The following PRH1 variants were observed in gnomAD, a reference collection of about 807,000 sequenced individuals.
PRH1 encodes the protein proline rich protein HaeIII subfamily 1, also known as salivary acidic proline-rich phosphoprotein 1/2.
A neutral mutation model predicts 7.9 loss-of-function variants in PRH1; 7 were observed. The ratio of observed to expected loss-of-function variants is 0.89; its 90% CI spans 0.50 to 1.67. PRH1 has a LOEUF of 1.67. Among genes scored for constraint, PRH1 ranks in the 40% most tolerant of loss-of-function variants. The pLI is 0.00. For synonymous variants in PRH1, 45 were observed against 80.8 expected (o/e 0.56, Z 2.38); for missense variants, 109 against 223.6 (o/e 0.49, Z 3.27).
chr12:11,156,028 T>C (rs943881850), intron 1 of PRH1, among the ~76,000 whole-genome samples: 3 of 152,242 alleles, frequency 2.0e-5, no homozygotes, highest in African/African-American at 2.4e-5. Context: ...ATACAGTCAA[T>C]AGTCCTTTTA....
intron 1 of PRH1, among the ~76,000 whole-genome samples, chr12:11,135,136 T>C (rs1291468031): frequency 6.6e-6 from 1 of 152,134 alleles, no homozygotes; most frequent in Non-Finnish European, 1.5e-5. Flanking sequence ...TATTATTTAA[T>C]TAAAATGTTC....
At chr12:11,088,739 A>C (rs1444961596) in intron 1 of PRH1, among the ~76,000 whole-genome samples, 137 of 95,128 alleles carry the variant, frequency 1.4e-3, no homozygotes, top group Non-Finnish European at 2.3e-3. Flanking sequence ...GGCTCTACAG[A>C]AGATATGGAC....
chr12:11,057,528 T>C (rs928352793), intron 1 of PRH1, among the ~76,000 whole-genome samples: 1 of 152,204 alleles, frequency 6.6e-6, no homozygotes, highest in Admixed American at 6.5e-5. Context: ...GGCAACCCAA[T>C]GTATAAAATA....
At position 10,901,431 on chromosome 12, in the gene PRH1, C is replaced by T. The variant is rs572447470; in HGVS notation, c.-58-17156G>A. Reference sequence around the variant, plus strand: ...GAACTCTGGTCACTTGGTAGCCACTCAGTAGATTCTCCCTCAGTGTTGGTG... The same window carrying T: ...GAACTCTGGTCACTTGGTAGCCACTTAGTAGATTCTCCCTCAGTGTTGGTG... On this transcript the variant is annotated intron_variant, in intron 2 of 3. Coordinates refer to the PRH1 transcript ENST00000539853. 3.9e-5 allele frequency among the ~76,000 whole-genome samples: 6 copies of T among 152,310 alleles called. No homozygotes were observed. The South Asian group carries it at 1.2e-3, about 32-fold the overall frequency.
intron 1 of PRH1, among the ~76,000 whole-genome samples, chr12:11,017,245 A>G (rs1271172355): frequency 6.6e-6 from 1 of 152,208 alleles, no homozygotes; most frequent in Non-Finnish European, 1.5e-5. Flanking sequence ...TTCTGCTCTC[A>G]GTTTAATTTA....
At chr12:11,000,102 T>G (rs995477493) in intron 1 of PRH1, among the ~76,000 whole-genome samples, 1 of 152,140 alleles carries the variant, frequency 6.6e-6, no homozygotes, top group Admixed American at 6.6e-5. Context: ...CAAATTATCC[T>G]CACAGACATA....
intron 1 of PRH1, among the ~76,000 whole-genome samples, chr12:11,053,239 G>C (rs1174112008): frequency 2.0e-5 from 3 of 152,092 alleles, no homozygotes; most frequent in African/African-American, 7.2e-5. Context: ...TTTTCACTTT[G>C]CTTATGTTGT....
intron 1 of PRH1, among the ~76,000 whole-genome samples, chr12:11,102,935 G>A (rs1295129077): frequency 6.6e-6 from 1 of 152,114 alleles, no homozygotes; most frequent in Non-Finnish European, 1.5e-5. Context: ...AAAGACACAC[G>A]AAAAAATGCT....
intron 1 of PRH1, among the ~76,000 whole-genome samples, chr12:11,000,676 A>C (rs1033510841): frequency 1.3e-5 from 2 of 152,148 alleles, no homozygotes; most frequent in African/African-American, 2.4e-5. Context: ...AATCTTCCAG[A>C]AATCCAGAAG....
rs1358323902 is a variant in PRH1 at position 10,953,518 on chromosome 12, C to T, written c.-59+20137G>A. Among the ~76,000 whole-genome samples, 5 of 152,210 alleles carry T rather than the reference C, an allele frequency of 3.3e-5. No individual in the cohort carries two copies. The East Asian group carries it at 5.8e-4, about 18-fold the overall frequency. On this transcript the variant is annotated intron_variant, in intron 2 of 3. Coordinates refer to the PRH1 transcript ENST00000539853. Reference sequence around the variant, plus strand: ...CAAAGCTGGGGAAAGAATCTCAGAGCTCAAGAGTAGTCCTCTGAAATTACT... The same window carrying T: ...CAAAGCTGGGGAAAGAATCTCAGAGTTCAAGAGTAGTCCTCTGAAATTACT...
intron 1 of PRH1, among the ~76,000 whole-genome samples, chr12:11,055,444 G>C (rs1943324686): frequency 6.6e-6 from 1 of 152,258 alleles, no homozygotes; most frequent in African/African-American, 2.4e-5. Context: ...CCTGATTTCT[G>C]ATTGTGCAGT....
At position 11,133,943 on chromosome 12, in the gene PRH1, C is replaced by G. The variant is rs1179818669; in HGVS notation, n.40-12763G>C. 1.9e-6 allele frequency: 3 copies of G among 1,613,992 alleles called. No individual in the cohort carries two copies. In the African/African-American group the frequency reaches 4.0e-5, roughly 22 times the overall value. On this transcript the variant is annotated intron_variant and non_coding_transcript_variant, in intron 1 of 1. Transcript: ENST00000541175. ...CCTGAGCAAATAAAACATGCTGAGG[C>G]TAGTAGCAAGCCAGCTGCTGAAATG... is the stretch of plus-strand genomic sequence containing the variant.
At chr12:11,005,774 T>A (rs943689348) in intron 1 of PRH1, among the ~76,000 whole-genome samples, 30 of 152,220 alleles carry the variant, frequency 2.0e-4, no homozygotes, top group African/African-American at 6.7e-4. Flanking sequence ...TTTTCAATAT[T>A]TATAAACTTA....
At chr12:11,061,996 G>C in intron 1 of PRH1, 1 of 1,613,894 alleles carries the variant, frequency 6.2e-7, no homozygotes, top group Non-Finnish European at 8.5e-7. Context: ...GCTGAGGCTA[G>C]TAGCAAGCCA....
At chr12:11,026,955 GATTATTTAATATATTAATAAT>G (rs1355349187) in intron 1 of PRH1, among the ~76,000 whole-genome samples, 1 of 152,172 alleles carries the variant, frequency 6.6e-6, no homozygotes, top group Non-Finnish European at 1.5e-5. Flanking sequence ...AAAACATCGT[GATTATTTAATATATTAATAAT>G]ATTACAGACC....
intron 1 of PRH1, among the ~76,000 whole-genome samples, chr12:11,005,156 T>G (rs1293096353): frequency 1.3e-5 from 2 of 152,172 alleles, no homozygotes; most frequent in East Asian, 3.9e-4. Context: ...TTCAATGCTG[T>G]CTTTATGGAA....
At chr12:11,086,549 C>T (rs1036484066) in intron 1 of PRH1, among the ~76,000 whole-genome samples, 1 of 119,124 alleles carries the variant, frequency 8.4e-6, no homozygotes, top group African/African-American at 2.8e-5. Flanking sequence ...ACCAGATTCC[C>T]TGCTTCATAT....
chr12:10,964,356 T>C (rs1938398997), intron 2 of PRH1: 1 of 205,256 alleles, frequency 4.9e-6, no homozygotes, highest in Admixed American at 4.5e-5. Flanking sequence ...GTGGAAAGTA[T>C]AAAATGTTCC....
At chr12:11,049,879 C>A (rs1188786387), upstream of PRH1, among the ~76,000 whole-genome samples, 1 of 152,160 alleles carries the variant, frequency 6.6e-6, no homozygotes. Context: ...ATTTATATGA[C>A]ATCATTGTTA....
Sources: allele counts gnomAD v4.1 joint callset (sites outside exome capture counted in the v4.1 genomes callset), GRCh38; gene constraint gnomAD v4.1.1; transcripts MANE v1.5; gene names NCBI Gene and HGNC (gene_info 2026-07-23, HGNC 2026-07-21).